Variants in STAB1 observed in about 807,000 individuals in gnomAD.
STAB1 encodes stabilin 1, also known as stabilin-1.
Under a neutral mutation model 332.4 loss-of-function variants are expected in STAB1, and 250 were observed. The ratio of observed to expected loss-of-function variants is 0.75; its 90% CI spans 0.68 to 0.84. The LOEUF (loss-of-function observed/expected upper bound fraction) is 0.84, where lower values mean the gene tolerates loss of function less well. Among genes scored for constraint, STAB1 ranks in the 40% least tolerant of loss-of-function variants. The pLI is 0.00. For missense variants in STAB1, 3,249 were observed against 3,489.7 expected (o/e 0.93, Z 1.74); for synonymous variants, 1,475 against 1,390.4 (o/e 1.06, Z -1.35).
chr3:52,508,720 G>A (rs1211472401), intron 21 of STAB1, among the ~76,000 whole-genome samples: 2 of 152,032 alleles, frequency 1.3e-5, no homozygotes, highest in Non-Finnish European at 2.9e-5. Flanking sequence ...TACTCAGGAG[G>A]CTGAGGCAGG....
chr3:52,514,352 C>T lies in STAB1; in HGVS notation c.3547-13C>T. On this transcript the variant is annotated splice_polypyrimidine_tract_variant and intron_variant, in intron 33 of 68. Coordinates refer to ENST00000321725, the MANE Select transcript of STAB1 (RefSeq NM_015136.3). ...TATCCTGCAGTCCCCTGGGTTCTCT[C>T]CTTCTCTTCCAGGACGCAGACACAG... is the stretch of plus-strand genomic sequence containing the variant. 7.1e-6 allele frequency: 11 copies of T among 1,544,864 alleles called. No individual in the cohort carries two copies. Among genetic ancestry groups the T allele is most frequent in the Non-Finnish European group, 9.6e-6 (11 of 1,142,978 alleles).
intron 62 of STAB1, 40 bp from the exon 63 acceptor site, chr3:52,522,985 C>T: frequency 6.3e-7 from 1 of 1,598,254 alleles, no homozygotes; most frequent in Non-Finnish European, 8.6e-7. Context: ...TCTGCCCCTT[C>T]CCACCAATCT....
intron 18 of STAB1, 56 bp from the exon 19 acceptor site, chr3:52,507,557 C>A: frequency 1.3e-6 from 2 of 1,552,630 alleles, no homozygotes; most frequent in Non-Finnish European, 1.8e-6. Flanking sequence ...TCTGGGTTTG[C>A]CGAGTAAATA....
intron 6 of STAB1, 111 bp downstream of exon 6, chr3:52,502,838 C>A: frequency 7.6e-7 from 1 of 1,312,412 alleles, no homozygotes; most frequent in Non-Finnish European, 1.1e-6. Context: ...CCGCCTGGAG[C>A]CTAGTTGGGG....
At chr3:52,519,605 C>A (rs764970995) in intron 50 of STAB1, 41 bp downstream of exon 50, 1 of 1,571,676 alleles carries the variant, frequency 6.4e-7, no homozygotes, top group South Asian at 1.1e-5. Flanking sequence ...GACACACATG[C>A]ACGTGTAAGT....
At position 52,504,140 on chromosome 3, in the gene STAB1, G is replaced by A. The variant is rs771208238; in HGVS notation, c.1135G>A (p.Ala379Thr). 1.1e-5 allele frequency: 17 copies of A among 1,588,252 alleles called. No homozygotes were observed. The highest frequency in any genetic ancestry group is 4.6e-5 in the South Asian group (4 of 87,826). Reference protein sequence around the residue: ...TGRVFLQLRVAVAMMDQGCRE... With the variant: ...TGRVFLQLRVTVAMMDQGCRE... ...CCGGGTGTTCCTGCAGCTGAGGGTC[G>A]CCGTGGCCATGATGGGTGCGTGACC... Residue 379 changes from alanine to threonine, a missense_variant, in exon 10 of 69, where the codon GCC (alanine) becomes ACC (threonine). Coordinates refer to ENST00000321725, the MANE Select transcript of STAB1 (RefSeq NM_015136.3).
chr3:52,506,861 C>A lies in STAB1; in HGVS notation c.1989+11C>A. On this transcript the variant is annotated intron_variant, in intron 18 of 68. Transcript: ENST00000321725. ...CACAAGATTGTGGCGGTGAGCCTCG[C>A]CTGCACGGCCAGGGCCCTACTCACT... 6.2e-7 allele frequency: 1 copy of A among 1,612,112 alleles called. No individual in the cohort carries two copies. Among genetic ancestry groups the A allele is most frequent in the African/African-American group, 1.3e-5 (1 of 75,066 alleles).
intron 38 of STAB1, 28 bp downstream of exon 38, chr3:52,516,266 G>GCGCC: frequency 1.3e-6 from 1 of 794,390 alleles, no homozygotes; most frequent in Non-Finnish European, 2.2e-6. Flanking sequence ...GCGGGGGTGG[G>GCGCC]CCTCCTGGCA....
At chr3:52,498,095 A>G (rs1203233498) in intron 1 of STAB1, among the ~76,000 whole-genome samples, 1 of 152,202 alleles carries the variant, frequency 6.6e-6, no homozygotes, top group Non-Finnish European at 1.5e-5. Context: ...CCTCTCTGAC[A>G]GGGTTTAGAT....
chr3:52,523,043 G>T lies in STAB1; in HGVS notation c.6929G>T (p.Arg2310Leu), dbSNP rs145771083. Residue 2310 changes from arginine (R) to leucine (L), a missense_variant, in exon 63 of 69, where the codon CGA (arginine) becomes CTA (leucine). Physicochemically the swap from Arg to Leu is moderately radical, Grantham distance 102. Coordinates refer to ENST00000321725, the MANE Select transcript of STAB1 (RefSeq NM_015136.3). Reference sequence around the variant, plus strand: ...CCTGCAGATGTGGCCTGCCGATGCCGAAATGGCTTCGTGGGTGACGGGATC... The same window carrying T: ...CCTGCAGATGTGGCCTGCCGATGCCTAAATGGCTTCGTGGGTGACGGGATC... ...FRVQDVACRC[R>L]NGFVGDGIST... 2 of 1,571,830 alleles carry T rather than the reference G, an allele frequency of 1.3e-6. No homozygotes were observed. The highest frequency in any genetic ancestry group is 2.7e-5 in the African/African-American group (2 of 74,368).
rs779381949 is a variant in STAB1, at chr3:52,522,175, C to T, written c.6410C>T (p.Thr2137Ile). 6.2e-7 allele frequency: 1 copy of T among 1,612,766 alleles called. No homozygotes were observed. The highest frequency in any genetic ancestry group is 8.5e-7 in the Non-Finnish European group (1 of 1,179,990). ...AGCTGCCGGGCCCGCAACCCCTGCA[C>T]AGATGGCCACCGCGGGGGCTGCAGC... Reference protein sequence around the residue: ...GWSCRARNPCTDGHRGGCSEH... With the variant: ...GWSCRARNPCIDGHRGGCSEH... Residue 2137 changes from threonine to isoleucine, a missense_variant, in exon 59 of 69, where the codon ACA (threonine) becomes ATA (isoleucine). Coordinates refer to ENST00000321725, the MANE Select transcript of STAB1 (RefSeq NM_015136.3).
chr3:52,495,994 G>T (rs1707992582), intron 1 of STAB1, among the ~76,000 whole-genome samples: 1 of 152,222 alleles, frequency 6.6e-6, no homozygotes, highest in Non-Finnish European at 1.5e-5. Flanking sequence ...ACACACTTCA[G>T]CCTCAGAGCT....
chr3:52,523,199 G>T (rs1559727234), intron 63 of STAB1, 23 bp from the exon 64 acceptor site: 2 of 1,612,858 alleles, frequency 1.2e-6, no homozygotes, highest in South Asian at 1.1e-5. Context: ...CCTGCTCATA[G>T]TTCTGTCTTT....
At chr3:52,501,556 C>G (rs938135136) in intron 2 of STAB1, 82 bp from the exon 3 acceptor site, 1 of 1,334,522 alleles carries the variant, frequency 7.5e-7, no homozygotes, top group Non-Finnish European at 1.0e-6. Context: ...TGGGTGGGAG[C>G]CCCGGAAGCC....
In STAB1 at chr3:52,503,406, G is replaced by A. The variant is rs774766649; in HGVS notation, c.757G>A (p.Gly253Arg). The change falls in exon 8 of 69, where the codon GGG becomes AGG. Residue 253 changes from glycine to arginine, a missense_variant. Physicochemically the swap from Gly to Arg is moderately radical, Grantham distance 125. Coordinates refer to ENST00000321725, the MANE Select transcript of STAB1 (RefSeq NM_015136.3). ...LLAQCSVSPK[G>R]QAQCHCPENY... ...GGCCCAGTGCTCGGTGAGCCCCAAG[G>A]GGCAGGCTCAGTGTCACTGCCCTGA... The A allele has an allele frequency of 3.1e-6, 5 of 1,613,646 alleles. No homozygotes were observed. Among genetic ancestry groups the A allele is most frequent in the Non-Finnish European group, 3.4e-6 (4 of 1,180,024 alleles).
intron 22 of STAB1, 44 bp from the exon 23 acceptor site, chr3:52,509,826 G>A: frequency 6.2e-7 from 1 of 1,610,048 alleles, no homozygotes; most frequent in Non-Finnish European, 8.5e-7. Context: ...AGCCAGCCCT[G>A]CCTCCTGCTT....
rs772871280 is a variant in STAB1 at position 52,523,721 on chromosome 3, G to A, written c.7360G>A (p.Ala2454Thr). Reference protein sequence around the residue: ...DIMAFNGIIHALASPLLAPPQ... With the variant: ...DIMAFNGIIHTLASPLLAPPQ... ...CATGGCCTTCAATGGCATCATCCAT[G>A]CTCTGGCCAGCCCCCTCCTGGCACC... Residue 2454 changes from alanine to threonine, a missense_variant, in exon 66 of 69, where the codon GCT (alanine) becomes ACT (threonine). Physicochemically the swap from Ala to Thr is moderately conservative, Grantham distance 58 (BLOSUM62 0). Coordinates refer to ENST00000321725, the MANE Select transcript of STAB1 (RefSeq NM_015136.3). 13 of 1,604,822 alleles carry A rather than the reference G, an allele frequency of 8.1e-6. No homozygotes were observed. The Admixed American group carries it at 2.0e-4, about 25-fold the overall frequency.
chr3:52,521,813 C>G, intron 57 of STAB1, 31 bp from the exon 58 acceptor site: 1 of 1,594,122 alleles, frequency 6.3e-7, no homozygotes, highest in Non-Finnish European at 8.6e-7. Flanking sequence ...AACTACTAAC[C>G]TGGTTCTGGG....
In STAB1 at chr3:52,521,927, G is replaced by A; in HGVS notation, c.6247G>A (p.Glu2083Lys). The stretch of plus-strand genomic sequence containing the variant: ...CAGCTGTGAGTGCAGCCTGGGCTAT[G>A]AAGGGGATGGCCGTGTGTGTACAGG... ...GNSCECSLGYEGDGRVCTVAD... is the reference protein window; with the variant it reads ...GNSCECSLGYKGDGRVCTVAD... The change falls in exon 58 of 69, where the codon GAA (glutamate) becomes AAA (lysine). Residue 2083 changes from glutamate (E) to lysine (K), a missense_variant. Transcript: ENST00000321725. The A allele has an allele frequency of 1.2e-6, 2 of 1,609,532 alleles. No individual in the cohort carries two copies. Among genetic ancestry groups the A allele is most frequent in the Non-Finnish European group, 1.7e-6 (2 of 1,177,122 alleles).
Sources: allele counts gnomAD v4.1 joint callset (sites outside exome capture counted in the v4.1 genomes callset), GRCh38; gene constraint gnomAD v4.1.1; transcripts MANE v1.5; gene names NCBI Gene and HGNC (gene_info 2026-07-23, HGNC 2026-07-21).